The following THRB variants were observed in gnomAD, a reference collection of about 807,000 sequenced individuals.
THRB encodes nuclear receptor subfamily 1 group A member 2.
A neutral mutation model predicts 47.8 loss-of-function variants in THRB; 12 were observed. The observed-to-expected ratio is 0.25, with a 90% CI of 0.16 to 0.41. The LOEUF (loss-of-function observed/expected upper bound fraction) is 0.41, where lower values mean the gene tolerates loss of function less well. Among genes scored for constraint, THRB ranks in the 10% least tolerant of loss-of-function variants. The probability of loss-of-function intolerance (pLI) is 1.00; values close to 1 mark genes in which losing one functional copy is unlikely to be tolerated. For missense variants in THRB, 348 were observed against 589.2 expected, an observed-to-expected ratio of 0.59 and a Z score of 4.24; for synonymous variants, 218 against 212.2, an observed-to-expected ratio of 1.03 and a Z score of -0.24.
At chr3:24,370,122 G>A (rs184625249) in intron 1 of THRB, among the ~76,000 whole-genome samples, 246 of 152,186 alleles carry the variant, frequency 1.6e-3, no homozygotes, top group African/African-American at 5.7e-3. Flanking sequence ...ATTTTTTAGG[G>A]GGATATTTTA....
intron 1 of THRB, among the ~76,000 whole-genome samples, chr3:24,475,229 A>G (rs541945837): frequency 9.3e-4 from 142 of 152,298 alleles, no homozygotes; most frequent in Non-Finnish European, 1.1e-3. Context: ...AAATACGAAT[A>G]GCTATAATTT....
intron 5 of THRB, among the ~76,000 whole-genome samples, chr3:24,185,288 G>A (rs913028527): frequency 2.0e-5 from 3 of 152,110 alleles, no homozygotes; most frequent in Admixed American, 6.6e-5. Context: ...ATTAAAAGCT[G>A]GTTAAAATGG....
rs368686218 is a variant in THRB, at chr3:24,436,425, C to T, written c.-261+58227G>A. On this transcript the variant is annotated intron_variant, in intron 1 of 10. Coordinates refer to ENST00000646209, the MANE Select transcript of THRB (RefSeq NM_001354712.2). ...CGATGCACGACTTGATCATGAAAGA[C>T]GGAGTCAGAACTCAAAGTTCAGGTT... Among the ~76,000 whole-genome samples the T allele has an allele frequency of 4.6e-5, 7 of 152,046 alleles. No individual in the cohort carries two copies. The East Asian group carries it at 9.6e-4, about 21-fold the overall frequency.
intron 2 of THRB, among the ~76,000 whole-genome samples, chr3:24,325,397 C>A (rs902324550): frequency 6.6e-6 from 1 of 152,040 alleles, no homozygotes; most frequent in Non-Finnish European, 1.5e-5. Context: ...TTTAAAAGAG[C>A]AAGGAGAGGC....
intron 5 of THRB, among the ~76,000 whole-genome samples, chr3:24,180,164 A>G (rs1006387237): frequency 2.0e-5 from 3 of 152,050 alleles, no homozygotes; most frequent in African/African-American, 7.2e-5. Flanking sequence ...TAGTCTTATT[A>G]TAAGAAGTTA....
chr3:24,372,755 G>A (rs554100120), intron 1 of THRB, among the ~76,000 whole-genome samples: 1 of 152,038 alleles, frequency 6.6e-6, no homozygotes, highest in African/African-American at 2.4e-5. Context: ...TAAATGACAT[G>A]CTCAATGTCA....
intron 5 of THRB, chr3:24,165,630 A>G: frequency 2.6e-6 from 1 of 386,414 alleles, no homozygotes; most frequent in Non-Finnish European, 4.7e-6. Context: ...ATTTATGACT[A>G]TCAAAGGTCT....
chr3:24,436,484 C>T (rs1178250461), intron 1 of THRB, among the ~76,000 whole-genome samples: 5 of 152,166 alleles, frequency 3.3e-5, no homozygotes, highest in Non-Finnish European at 7.4e-5. Context: ...CACACACACA[C>T]ACACAAATGC....
intron 3 of THRB, among the ~76,000 whole-genome samples, chr3:24,255,605 T>A (rs2051179119): frequency 6.6e-6 from 1 of 151,960 alleles, no homozygotes; most frequent in Non-Finnish European, 1.5e-5. Context: ...AAAGGATGAG[T>A]AGGAGTTGCC....
chr3:24,225,924 G>A (rs765495593), intron 4 of THRB, among the ~76,000 whole-genome samples: 1 of 152,092 alleles, frequency 6.6e-6, no homozygotes, highest in Non-Finnish European at 1.5e-5. Context: ...AAATTAGGTG[G>A]CGTAAAGCAG....
chr3:24,430,219 G>A (rs1455350104), intron 1 of THRB: 1 of 152,036 alleles, frequency 6.6e-6, no homozygotes, highest in African/African-American at 2.4e-5. Context: ...GATCCTTAGA[G>A]GAAGTCTAAA....
intron 1 of THRB, among the ~76,000 whole-genome samples, chr3:24,345,096 T>C (rs1171078682): frequency 2.2e-4 from 34 of 152,146 alleles, no homozygotes; most frequent in Admixed American, 2.2e-3. Context: ...AGAGATCAAA[T>C]CCTCACTTTC....
intron 1 of THRB, among the ~76,000 whole-genome samples, chr3:24,351,351 G>A (rs1453144550): frequency 6.6e-6 from 1 of 152,038 alleles, no homozygotes; most frequent in African/African-American, 2.4e-5. Context: ...CCGATATTCT[G>A]TTCTTGCCTT....
At chr3:24,401,417 T>C (rs1430655199) in intron 1 of THRB, among the ~76,000 whole-genome samples, 1 of 152,106 alleles carries the variant, frequency 6.6e-6, no homozygotes, top group Non-Finnish European at 1.5e-5. Flanking sequence ...GATTATCTCA[T>C]GTTCAAGAGC....
At position 24,410,564 on chromosome 3, in the gene THRB, C is replaced by T. The variant is rs576366058; in HGVS notation, c.-260-73193G>A. Among the ~76,000 whole-genome samples, 7 of 151,880 alleles carry T rather than the reference C, an allele frequency of 4.6e-5. No homozygotes were observed. In the East Asian group the frequency reaches 1.2e-3, roughly 25 times the overall value. ...TTTAAATGCAAGTAAAATTCAGTCTCCATTTCAACACTTATACAAGTCTTC... is the reference window on the plus strand; with the variant it reads ...TTTAAATGCAAGTAAAATTCAGTCTTCATTTCAACACTTATACAAGTCTTC... On this transcript the variant is annotated intron_variant, in intron 1 of 10. Coordinates refer to ENST00000646209, the MANE Select transcript of THRB (RefSeq NM_001354712.2).
intron 4 of THRB, among the ~76,000 whole-genome samples, chr3:24,223,121 A>C (rs770938733): frequency 6.6e-6 from 1 of 152,168 alleles, no homozygotes; most frequent in African/African-American, 2.4e-5. Flanking sequence ...ATCAGTCCTA[A>C]GGCCTGGGGA....
chr3:24,251,030 G>C (rs1387904985), intron 3 of THRB, among the ~76,000 whole-genome samples: 1 of 151,626 alleles, frequency 6.6e-6, no homozygotes, highest in African/African-American at 2.4e-5. Context: ...AGAAAAAAAA[G>C]AAAGAAAATC....
intron 5 of THRB, among the ~76,000 whole-genome samples, chr3:24,164,304 C>T (rs946794739): frequency 6.6e-6 from 1 of 152,096 alleles, no homozygotes; most frequent in African/African-American, 2.4e-5. Context: ...AAATGGATAT[C>T]GTACTGGTTT....
At chr3:24,277,569 A>G (rs928538476) in intron 3 of THRB, among the ~76,000 whole-genome samples, 2 of 152,172 alleles carry the variant, frequency 1.3e-5, no homozygotes, top group South Asian at 2.1e-4. Flanking sequence ...ACTGGTCTAT[A>G]TAACTATATA....
Sources: allele counts gnomAD v4.1 joint callset (sites outside exome capture counted in the v4.1 genomes callset), GRCh38; gene constraint gnomAD v4.1.1; transcripts MANE v1.5; gene names NCBI Gene and HGNC (gene_info 2026-07-23, HGNC 2026-07-21).